The following ABHD18 variants were observed in gnomAD, a reference collection of about 807,000 sequenced individuals.
ABHD18 encodes abhydrolase domain containing 18, also known as cardiolipin-specific deacylase, mitochondrial.
In ABHD18, 55 loss-of-function variants were observed where a neutral mutation model predicts 65.9. That is an observed-to-expected ratio of 0.84 (90% CI 0.67 to 1.05). The LOEUF is 1.05. ABHD18 is among the 50% of genes least tolerant of loss of function. The pLI, the probability that ABHD18 is intolerant of heterozygous loss-of-function variation, is 0.00. For synonymous variants in ABHD18, 181 were observed against 180.2 expected (o/e 1.00, Z -0.04); for missense variants, 533 against 558.5 (o/e 0.95, Z 0.46).
rs548591130 is a variant in ABHD18, at chr4:127,975,617, T to C, written c.-17-7322T>C. On this transcript the variant is annotated intron_variant, in intron 1 of 12. Coordinates refer to ENST00000645843, the MANE Select transcript of ABHD18 (RefSeq NM_001358451.3). ...ACCTTTTATGTATTTATTTATAACC[T>C]AGGAAGTGAAGAAGCTTCTGCCAAA... 1.1e-4 allele frequency among the ~76,000 whole-genome samples: 17 copies of C among 152,310 alleles called. No individual in the cohort carries two copies. In the East Asian group the frequency reaches 3.3e-3, roughly 29 times the overall value.
chr4:128,028,465 A>G lies in ABHD18; in HGVS notation c.802-10A>G. On this transcript the variant is annotated splice_polypyrimidine_tract_variant and intron_variant, in intron 10 of 12. Coordinates refer to ENST00000645843, the MANE Select transcript of ABHD18 (RefSeq NM_001358451.3). ...ATTAAATAATGTTTTCTTTCCTTTC[A>G]TATGTTCAGACAGATTCTTTCAAAA... 1 of 1,481,142 alleles carries G rather than the reference A, an allele frequency of 6.8e-7. No homozygotes were observed. Among genetic ancestry groups the G allele is most frequent in the African/African-American group, 1.4e-5 (1 of 70,236 alleles). The allele number at this position is 1,481,142 out of a possible 1,614,324, so 91.7% of individuals were successfully genotyped here.
chr4:128,024,240 G>A (rs1191572096), intron 10 of ABHD18, among the ~76,000 whole-genome samples: 2 of 152,040 alleles, frequency 1.3e-5, no homozygotes, highest in Non-Finnish European at 2.9e-5. Flanking sequence ...TAGAGGGAGG[G>A]AAGAGGCTGA....
chr4:127,986,189 C>A (rs1208258031), intron 3 of ABHD18, among the ~76,000 whole-genome samples: 1 of 152,190 alleles, frequency 6.6e-6, no homozygotes, highest in Non-Finnish European at 1.5e-5. Flanking sequence ...CCTCTTCCCC[C>A]ACCTGCTGGC....
At position 127,984,896 on chromosome 4, in the gene ABHD18, C is replaced by T. The variant is rs149757788; in HGVS notation, c.177+473C>T. ...AAATAAATAAATAATACTATTTGTGCGTTAACTGGATGTTTTTAATAACTA... is the reference window on the plus strand; with the variant it reads ...AAATAAATAAATAATACTATTTGTGTGTTAACTGGATGTTTTTAATAACTA... On this transcript the variant is annotated intron_variant, in intron 3 of 12. Transcript: ENST00000645843. Among the ~76,000 whole-genome samples the T allele has an allele frequency of 8.5e-5, 13 of 152,184 alleles. No homozygotes were observed. The East Asian group carries it at 1.9e-3, about 23-fold the overall frequency.
intron 8 of ABHD18, among the ~76,000 whole-genome samples, chr4:128,019,159 A>G (rs1756046932): frequency 6.6e-6 from 1 of 152,076 alleles, no homozygotes; most frequent in African/African-American, 2.4e-5. Context: ...CTGCCTATTA[A>G]CTGGTCTCCT....
intron 11 of ABHD18, among the ~76,000 whole-genome samples, chr4:128,030,184 C>T (rs1271878454): frequency 1.3e-5 from 2 of 152,052 alleles, no homozygotes; most frequent in African/African-American, 4.8e-5. Context: ...ATGATTGAGG[C>T]GATGCATACC....
chr4:127,994,819 A>G (rs1301617917), intron 4 of ABHD18, among the ~76,000 whole-genome samples: 3 of 152,134 alleles, frequency 2.0e-5, no homozygotes, highest in East Asian at 1.9e-4. Context: ...TATTTTTCAC[A>G]TAATTGGGTT....
rs1474978064 is a variant in ABHD18 at position 127,983,035 on chromosome 4, A to C, written c.80A>C (p.Glu27Ala). 6.4e-6 allele frequency: 10 copies of C among 1,555,290 alleles called. No homozygotes were observed. Among genetic ancestry groups the C allele is most frequent in the Non-Finnish European group, 8.7e-6 (10 of 1,148,608 alleles). ...KLFIRGWGRPEDLKRLFEFRK... is the reference protein window; with the variant it reads ...KLFIRGWGRPADLKRLFEFRK... The stretch of plus-strand genomic sequence containing the variant: ...TTTATCAGAGGATGGGGAAGGCCAG[A>C]AGATCTCAAAAGGCAAGCAATTTTT... The change falls in exon 2 of 13, where the codon GAA becomes GCA. Residue 27 changes from glutamate to alanine, a missense_variant. Glu to Ala is a moderately radical substitution (Grantham distance 107). Coordinates refer to ENST00000645843, the MANE Select transcript of ABHD18 (RefSeq NM_001358451.3).
At chr4:128,013,753 C>T (rs1262565944) in intron 7 of ABHD18, among the ~76,000 whole-genome samples, 1 of 151,248 alleles carries the variant, frequency 6.6e-6, no homozygotes, top group Non-Finnish European at 1.5e-5. Context: ...TTCTGTTAAA[C>T]CTGCAAGTGG....
intron 12 of ABHD18, among the ~76,000 whole-genome samples, chr4:128,033,566 C>G (rs1351903158): frequency 1.5e-5 from 2 of 134,984 alleles, no homozygotes; most frequent in Non-Finnish European, 1.5e-5. Context: ...GACAGAGTCT[C>G]CCTCTGTCAC....
chr4:128,006,140 G>C (rs940289682), intron 4 of ABHD18, among the ~76,000 whole-genome samples: 13 of 152,156 alleles, frequency 8.5e-5, no homozygotes, highest in Admixed American at 2.6e-4. Context: ...AGTCGAATTT[G>C]AGCAGAGACA....
intron 4 of ABHD18, chr4:128,001,775 A>G (rs1433046959): frequency 1.4e-5 from 22 of 1,540,572 alleles, no homozygotes; most frequent in Non-Finnish European, 1.7e-5. Context: ...GTAACCAGTT[A>G]TTTCTCTCTA....
intron 4 of ABHD18, among the ~76,000 whole-genome samples, chr4:128,005,120 T>G (rs1230253465): frequency 6.6e-6 from 1 of 152,078 alleles, no homozygotes; most frequent in African/African-American, 2.4e-5. Flanking sequence ...TCCCAGCTAC[T>G]TGGGAGGATG....
intron 7 of ABHD18, among the ~76,000 whole-genome samples, chr4:128,014,084 A>G (rs1368952256): frequency 6.6e-6 from 1 of 150,720 alleles, no homozygotes; most frequent in Non-Finnish European, 1.5e-5. Flanking sequence ...TCTGGGTTCA[A>G]GCAATTCTCC....
intron 6 of ABHD18, among the ~76,000 whole-genome samples, chr4:128,010,760 C>T (rs2149136175): frequency 6.6e-6 from 1 of 151,744 alleles, no homozygotes; most frequent in South Asian, 2.1e-4. Context: ...ACTAAAAATA[C>T]AAAAATTAGC....
rs753373104 is a variant in ABHD18, at chr4:128,036,874, T to A, written c.*1061T>A. 2.6e-5 allele frequency: 4 copies of A among 151,960 alleles called. No homozygotes were observed. Among genetic ancestry groups the A allele is most frequent in the Non-Finnish European group, 5.9e-5 (4 of 68,038 alleles). The allele number at this position is 151,960 out of a possible 1,614,324, so 9.4% of individuals were successfully genotyped here. A position where few individuals can be genotyped will look rare whatever the true frequency, so the allele number is the denominator to read the frequency against. ...TGGCTCATGCCTGTAATCCCAGCAC[T>A]TTGGGACGCTCAGGCGGGCGGATCA... is the stretch of plus-strand genomic sequence containing the variant. On this transcript the variant is annotated 3_prime_UTR_variant, in exon 13 of 13. Coordinates refer to ENST00000645843, the MANE Select transcript of ABHD18 (RefSeq NM_001358451.3).
At chr4:128,009,052 C>G (rs1754106307) in intron 5 of ABHD18, 54 bp downstream of exon 5, 1 of 1,580,912 alleles carries the variant, frequency 6.3e-7, no homozygotes, top group Non-Finnish European at 8.6e-7. Flanking sequence ...ACATATTCTC[C>G]TTAACAGAAG....
Position 128,038,344 on chromosome 4 carries a change from T to C in ABHD18, c.*2531T>C, listed in dbSNP as rs928484688. 1 of 152,246 alleles carries C rather than the reference T, an allele frequency of 6.6e-6. No individual in the cohort carries two copies. Among genetic ancestry groups the C allele is most frequent in the African/African-American group, 2.4e-5 (1 of 41,466 alleles). The allele number at this position is 152,246 out of a possible 1,614,324, so 9.4% of individuals were successfully genotyped here. The stretch of plus-strand genomic sequence containing the variant: ...AAACTTGTCAACTGAATTACGATTT[T>C]CTTATATTATGTATATAGTGAGGTT... On this transcript the variant is annotated 3_prime_UTR_variant, in exon 13 of 13. Coordinates refer to ENST00000645843, the MANE Select transcript of ABHD18 (RefSeq NM_001358451.3).
chr4:128,028,450 GT>G (rs1757698188), intron 10 of ABHD18, 24 bp from the exon 11 acceptor site: 2 of 1,415,466 alleles, frequency 1.4e-6, no homozygotes, highest in Non-Finnish European at 1.8e-6. Context: ...ATTAAATAAT[GT>G]TTTCTTTCCT....
Sources: gnomAD v4.1 joint callset for allele counts (sites outside exome capture counted in the v4.1 genomes callset) on GRCh38, gnomAD v4.1.1 for gene constraint, MANE v1.5 for transcripts, NCBI Gene and HGNC (gene_info 2026-07-23, HGNC 2026-07-21) for gene names.